The following MAP3K19 variants were observed in gnomAD, a reference collection of about 807,000 sequenced individuals.
MAP3K19 encodes the protein mitogen-activated protein kinase kinase kinase 19, also known as SPS1/STE20-related protein kinase YSK4.
In MAP3K19, 91 loss-of-function variants were observed where a neutral mutation model predicts 114.4. The ratio of observed to expected loss-of-function variants is 0.80; its 90% CI spans 0.67 to 0.95. The LOEUF (loss-of-function observed/expected upper bound fraction) is 0.95, where lower values mean the gene tolerates loss of function less well. MAP3K19 is among the 40% of genes least tolerant of loss of function. The pLI is 0.00. For missense variants in MAP3K19, 1,471 were observed against 1,573.2 expected (o/e 0.94, Z 1.10); for synonymous variants, 518 against 530.5 (o/e 0.98, Z 0.32).
chr2:135,036,493 AT>A (rs1440515999), intron 2 of MAP3K19, among the ~76,000 whole-genome samples: 1 of 152,212 alleles, frequency 6.6e-6, no homozygotes, highest in Non-Finnish European at 1.5e-5. Flanking sequence ...TGTTTATTTG[AT>A]TTCATAAGAT....
In MAP3K19 at chr2:134,983,794, C is replaced by T. The variant is rs771307178; in HGVS notation, c.3104G>A (p.Arg1035Lys). The T allele has an allele frequency of 6.2e-7, 1 of 1,603,752 alleles. No homozygotes were observed. Among genetic ancestry groups the T allele is most frequent in the Non-Finnish European group, 8.5e-7 (1 of 1,175,618 alleles). ...ATTTGAGATGAGAAATTTCTCCTCC[C>T]TGTCATATATCCTGAGCCCACTACT... ...RHSSGLRIYDREEKFLISNEK... is the reference protein window; with the variant it reads ...RHSSGLRIYDKEEKFLISNEK... The change falls in exon 11 of 13, where the codon AGG (arginine) becomes AAG (lysine). Residue 1035 changes from arginine (R) to lysine (K), a missense_variant. Arg to Lys is a conservative substitution (Grantham distance 26). Transcript: ENST00000392915.
Position 134,981,275 on chromosome 2 carries a change from CA to C in MAP3K19, c.3465del (p.Phe1155LeufsTer45). 1.2e-6 allele frequency: 2 copies of C among 1,614,170 alleles called. No homozygotes were observed. Among genetic ancestry groups the C allele is most frequent in the Non-Finnish European group, 1.7e-6 (2 of 1,180,026 alleles). ...GGSISSIINR[F>X]GPLPEMVFCK... ...CAGAACACCATCTCAGGCAATGGCCCAAAACGGTTTATAATACTAGAGATTG... is the reference window on the plus strand; with the variant it reads ...CAGAACACCATCTCAGGCAATGGCCCAAACGGTTTATAATACTAGAGATTG... On this transcript the variant is annotated frameshift_variant, in exon 12 of 13. Transcript: ENST00000392915. LOFTEE classifies it high-confidence loss of function.
chr2:134,973,384 C>T (rs1408970089), intron 12 of MAP3K19, among the ~76,000 whole-genome samples: 1 of 152,106 alleles, frequency 6.6e-6, no homozygotes, highest in South Asian at 2.1e-4. Context: ...GACTTTGTCT[C>T]TTTTTACTGT....
chr2:134,991,442 G>C, intron 9 of MAP3K19, 95 bp downstream of exon 9: 1 of 1,045,258 alleles, frequency 9.6e-7, no homozygotes, highest in Non-Finnish European at 1.5e-6. Context: ...CATTGTTGAA[G>C]GGTCAAGTGT....
chr2:135,007,537 TC>T (rs1206316406), intron 5 of MAP3K19, among the ~76,000 whole-genome samples: 1 of 152,170 alleles, frequency 6.6e-6, no homozygotes, highest in Non-Finnish European at 1.5e-5. Context: ...CCTTTTTTTT[TC>T]TTTTTGTTCT....
intron 12 of MAP3K19, among the ~76,000 whole-genome samples, chr2:134,973,302 G>A (rs975927212): frequency 6.6e-6 from 1 of 152,066 alleles, no homozygotes; most frequent in Non-Finnish European, 1.5e-5. Flanking sequence ...CATATACCTG[G>A]GTGCTCTGGT....
chr2:135,043,204 TG>T (rs1285554303), intron 1 of MAP3K19, among the ~76,000 whole-genome samples: 6 of 152,164 alleles, frequency 3.9e-5, no homozygotes, highest in Admixed American at 3.9e-4. Flanking sequence ...GACCCACTAC[TG>T]GGCAGGTGAT....
rs58663889 is a variant in MAP3K19, at chr2:134,998,695, G to C, written c.574+43C>G. 139 of 1,547,596 alleles carry C rather than the reference G, an allele frequency of 9.0e-5. 4 individuals are homozygous for C. In the South Asian group the frequency reaches 1.6e-3, roughly 18 times the overall value. On this transcript the variant is annotated intron_variant, in intron 8 of 12. Transcript: ENST00000392915. ...TGCCTGGCACAATACATAAATATTTGTTGACCAAAAGGACTCACTGTGGAA... is the reference window on the plus strand; with the variant it reads ...TGCCTGGCACAATACATAAATATTTCTTGACCAAAAGGACTCACTGTGGAA...
intron 2 of MAP3K19, among the ~76,000 whole-genome samples, chr2:135,037,419 A>G (rs1416147596): frequency 1.3e-5 from 2 of 152,234 alleles, no homozygotes; most frequent in Non-Finnish European, 2.9e-5. Flanking sequence ...TTCTGTTGAC[A>G]GTAGCTTTCA....
At chr2:135,019,642 A>G (rs1217873660) in intron 5 of MAP3K19, among the ~76,000 whole-genome samples, 1 of 152,072 alleles carries the variant, frequency 6.6e-6, no homozygotes, top group African/African-American at 2.4e-5. Flanking sequence ...ACAGAATGAG[A>G]CCCAATCTCA....
At chr2:135,022,692 G>A (rs534412461) in intron 4 of MAP3K19, among the ~76,000 whole-genome samples, 7 of 152,112 alleles carry the variant, frequency 4.6e-5, no homozygotes, top group Non-Finnish European at 1.0e-4. Flanking sequence ...AATTTAGATC[G>A]CTCAAACTTT....
chr2:135,008,027 T>G (rs541594121), intron 5 of MAP3K19, among the ~76,000 whole-genome samples: 2 of 152,350 alleles, frequency 1.3e-5, no homozygotes, highest in East Asian at 3.8e-4. Context: ...TTCACTTAAG[T>G]GTAAATTCAT....
chr2:134,975,183 A>G (rs1684149141), intron 12 of MAP3K19, among the ~76,000 whole-genome samples: 1 of 152,180 alleles, frequency 6.6e-6, no homozygotes, highest in Non-Finnish European at 1.5e-5. Context: ...TTGGGCCTCC[A>G]AGGCTTGCTC....
intron 8 of MAP3K19, among the ~76,000 whole-genome samples, chr2:134,996,879 C>G (rs935433646): frequency 2.6e-5 from 4 of 151,760 alleles, no homozygotes; most frequent in Non-Finnish European, 4.4e-5. Flanking sequence ...TACCAAAAAA[C>G]AAACAAACAA....
intron 6 of MAP3K19, among the ~76,000 whole-genome samples, chr2:135,003,223 T>A: frequency 6.6e-6 from 1 of 152,182 alleles, no homozygotes; most frequent in Non-Finnish European, 1.5e-5. Context: ...AGAAAATAAA[T>A]GTCTGCTATT....
At chr2:134,968,393 T>G in intron 12 of MAP3K19, among the ~76,000 whole-genome samples, 1 of 146,852 alleles carries the variant, frequency 6.8e-6, no homozygotes, top group Admixed American at 6.8e-5. Flanking sequence ...CCAGACGGGG[T>G]GGTGGCCGGG....
intron 12 of MAP3K19, among the ~76,000 whole-genome samples, chr2:134,966,497 A>AAG (rs1683358086): frequency 6.6e-6 from 1 of 152,210 alleles, no homozygotes; most frequent in African/African-American, 2.4e-5. Flanking sequence ...TTAAAAAGAA[A>AAG]AGAAAGAAGT....
intron 12 of MAP3K19, among the ~76,000 whole-genome samples, chr2:134,970,660 C>A (rs956826151): frequency 6.9e-6 from 1 of 145,886 alleles, no homozygotes; most frequent in African/African-American, 2.5e-5. Context: ...TGCAGTGGTG[C>A]GATCTCAGCT....
intron 2 of MAP3K19, among the ~76,000 whole-genome samples, chr2:135,039,419 C>CCA (rs537554775): frequency 7.1e-6 from 1 of 140,618 alleles, no homozygotes; most frequent in Non-Finnish European, 1.6e-5. Context: ...CCCATGTCTC[C>CCA]AAAAAAAAAA....
Sources: gnomAD v4.1 joint callset for allele counts (sites outside exome capture counted in the v4.1 genomes callset) on GRCh38, gnomAD v4.1.1 for gene constraint, MANE v1.5 for transcripts, NCBI Gene and HGNC (gene_info 2026-07-23, HGNC 2026-07-21) for gene names.